The following MAN1A1 variants were observed in gnomAD, a reference collection of about 807,000 sequenced individuals.
MAN1A1 encodes the protein mannosidase alpha class 1A member 1.
MAN1A1 carries 29 observed loss-of-function variants against 70.8 expected under a neutral mutation model. That is an observed-to-expected ratio of 0.41 (90% CI 0.31 to 0.56). The LOEUF is 0.56. MAN1A1 is among the 20% of genes least tolerant of loss of function. MAN1A1 has a pLI of 0.29. For synonymous variants in MAN1A1, 349 were observed against 330.1 expected (o/e 1.06, Z -0.62); for missense variants, 747 against 841.3 (o/e 0.89, Z 1.39).
At chr6:119,276,170 T>C (rs568449434) in intron 5 of MAN1A1, among the ~76,000 whole-genome samples, 1 of 152,204 alleles carries the variant, frequency 6.6e-6, no homozygotes, top group Non-Finnish European at 1.5e-5. Context: ...TTCTATGTTA[T>C]TCAGACTGTG....
intron 6 of MAN1A1, among the ~76,000 whole-genome samples, chr6:119,245,395 T>G (rs1231096821): frequency 6.6e-6 from 1 of 152,178 alleles, no homozygotes; most frequent in Non-Finnish European, 1.5e-5. Context: ...TGGACCATAC[T>G]GTGAAAATAA....
chr6:119,346,569 A>T (rs1268657808), intron 2 of MAN1A1, among the ~76,000 whole-genome samples: 8 of 152,238 alleles, frequency 5.3e-5, no homozygotes, highest in Non-Finnish European at 1.2e-4. Context: ...TACACGGTTA[A>T]TTAAGACCTT....
intron 2 of MAN1A1, among the ~76,000 whole-genome samples, chr6:119,337,481 T>C (rs1433817356): frequency 2.0e-5 from 3 of 152,196 alleles, no homozygotes; most frequent in Admixed American, 6.5e-5. Flanking sequence ...CAGAGCTAAC[T>C]GATCTGTTGG....
chr6:119,350,466 CA>C, upstream of MAN1A1: 1 of 950,938 alleles, frequency 1.1e-6, no homozygotes, highest in East Asian at 1.2e-4. Context: ...CCCCAAAAAA[CA>C]AAAAACCGAA....
At chr6:119,217,662 A>T (rs1774246244) in intron 6 of MAN1A1, among the ~76,000 whole-genome samples, 1 of 152,212 alleles carries the variant, frequency 6.6e-6, no homozygotes. Context: ...TATGCTTTAT[A>T]ATTAAAAAAA....
intron 5 of MAN1A1, among the ~76,000 whole-genome samples, chr6:119,285,277 C>T: frequency 6.6e-6 from 1 of 151,924 alleles, no homozygotes; most frequent in East Asian, 1.9e-4. Context: ...CATGTCCGGC[C>T]AGATTCTTTT....
Position 119,179,548 on chromosome 6 carries a change from A to G in MAN1A1, c.*271T>C. On this transcript the variant is annotated 3_prime_UTR_variant, in exon 13 of 13. Coordinates refer to ENST00000368468, the MANE Select transcript of MAN1A1 (RefSeq NM_005907.4). ...AATTCTATTCAGTTTAACAAAAACG[A>G]TATTACACCTTCATGAAATCCAGAG... 1 of 242,966 alleles carries G rather than the reference A, an allele frequency of 4.1e-6. No individual in the cohort carries two copies. Among genetic ancestry groups the G allele is most frequent in the Non-Finnish European group, 8.3e-6 (1 of 121,108 alleles). 15.1% of individuals were successfully genotyped at this position (242,966 alleles called of 1,614,324 possible). A position where few individuals can be genotyped will look rare whatever the true frequency, so the allele number is the denominator to read the frequency against.
At chr6:119,339,602 T>G (rs1267950003) in intron 2 of MAN1A1, among the ~76,000 whole-genome samples, 1 of 148,266 alleles carries the variant, frequency 6.7e-6, no homozygotes, top group Non-Finnish European at 1.5e-5. Context: ...AAGGATTTGT[T>G]TTTTTTTTTC....
chr6:119,308,434 ATGACT>A (rs1219095933), intron 2 of MAN1A1, among the ~76,000 whole-genome samples: 1 of 152,126 alleles, frequency 6.6e-6, no homozygotes, highest in Non-Finnish European at 1.5e-5. Flanking sequence ...TGAGGGTCAC[ATGACT>A]TGATTTATAA....
chr6:119,300,324 C>T (rs556751210), intron 4 of MAN1A1, among the ~76,000 whole-genome samples: 181 of 151,530 alleles, frequency 1.2e-3, no homozygotes, highest in Non-Finnish European at 2.3e-3. Flanking sequence ...GGTGCAATCA[C>T]GGCTCACTGC....
At chr6:119,223,912 C>G (rs1774434998) in intron 6 of MAN1A1, among the ~76,000 whole-genome samples, 1 of 152,072 alleles carries the variant, frequency 6.6e-6, no homozygotes, top group Non-Finnish European at 1.5e-5. Context: ...AAAGCAGGCA[C>G]AAACTAACAG....
At chr6:119,347,722 C>G (rs1182651651) in intron 2 of MAN1A1, among the ~76,000 whole-genome samples, 1 of 152,206 alleles carries the variant, frequency 6.6e-6, no homozygotes, top group Non-Finnish European at 1.5e-5. Flanking sequence ...CTGACCTAAT[C>G]ACATGTTTCA....
chr6:119,265,998 AAC>A (rs1274088118), intron 5 of MAN1A1, among the ~76,000 whole-genome samples: 1 of 152,166 alleles, frequency 6.6e-6, no homozygotes, highest in Non-Finnish European at 1.5e-5. Flanking sequence ...TGAAATTAAA[AAC>A]ACAATACCAT....
At chr6:119,270,493 C>A (rs1367457487) in intron 5 of MAN1A1, among the ~76,000 whole-genome samples, 1 of 152,112 alleles carries the variant, frequency 6.6e-6, no homozygotes, top group African/African-American at 2.4e-5. Context: ...AAAAGAAGTG[C>A]TGTGTGCATC....
intron 6 of MAN1A1, among the ~76,000 whole-genome samples, chr6:119,215,551 A>G (rs1418779091): frequency 1.3e-5 from 2 of 152,216 alleles, no homozygotes; most frequent in Non-Finnish European, 2.9e-5. Context: ...ATCTGGTGTG[A>G]AATGAACTGT....
intron 2 of MAN1A1, among the ~76,000 whole-genome samples, chr6:119,310,708 G>A (rs145688434): frequency 6.6e-6 from 1 of 152,310 alleles, no homozygotes; most frequent in African/African-American, 2.4e-5. Flanking sequence ...GGGCTGTGAA[G>A]CAGTAAAAGC....
rs75604834 is a variant in MAN1A1, at chr6:119,197,802, G to GT, written c.1210+3451dup. On this transcript the variant is annotated intron_variant, in intron 8 of 12. Coordinates refer to ENST00000368468, the MANE Select transcript of MAN1A1 (RefSeq NM_005907.4). ...ACTCATCAATCCTGTTTTGTTTTTT[G>GT]TTTTTTTTTTCCATCAGGAAATTGG... is the stretch of plus-strand genomic sequence containing the variant. Among the ~76,000 whole-genome samples the GT allele has an allele frequency of 4.6e-3, 678 of 148,714 alleles. 4 individuals carry two copies. The highest frequency in any genetic ancestry group is 0.016 in the African/African-American group (639 of 40,566).
intron 6 of MAN1A1, among the ~76,000 whole-genome samples, chr6:119,232,199 C>T (rs191008614): frequency 2.9e-4 from 44 of 151,788 alleles, no homozygotes; most frequent in Non-Finnish European, 4.4e-4. Flanking sequence ...AGTGAAACCT[C>T]GTCTCTACTA....
At chr6:119,260,515 C>T (rs1283858976) in intron 5 of MAN1A1, among the ~76,000 whole-genome samples, 3 of 152,294 alleles carry the variant, frequency 2.0e-5, no homozygotes, top group African/African-American at 7.2e-5. Context: ...AGCATTCATT[C>T]AATTCATTCA....
Sources: allele counts gnomAD v4.1 joint callset (sites outside exome capture counted in the v4.1 genomes callset), GRCh38; gene constraint gnomAD v4.1.1; transcripts MANE v1.5; gene names NCBI Gene and HGNC (gene_info 2026-07-23, HGNC 2026-07-21).